Variants in DYNC2H1 observed in about 807,000 individuals in gnomAD.
The protein encoded by DYNC2H1 is cytoplasmic dynein 2 heavy chain 1.
In DYNC2H1, 410 loss-of-function variants were observed where a neutral mutation model predicts 570.0. That is an observed-to-expected ratio of 0.72 (90% confidence interval 0.66 to 0.78). The LOEUF is 0.78. Among genes scored for constraint, DYNC2H1 ranks in the 30% least tolerant of loss-of-function variants. DYNC2H1 has a pLI of 0.00. For synonymous variants in DYNC2H1, 1,688 were observed against 1,677.6 expected, an observed-to-expected ratio of 1.01 and a Z score of -0.15; for missense variants, 4,865 against 5,046.4, an observed-to-expected ratio of 0.96 and a Z score of 1.09.
chr11:103,441,924 G>A (rs767538470), intron 85 of DYNC2H1, among the ~76,000 whole-genome samples: 2 of 152,112 alleles, frequency 1.3e-5, no homozygotes, highest in African/African-American at 2.4e-5. Context: ...CTGGAAGAGT[G>A]TATTATTTTC....
chr11:103,300,667 T>A (rs1427332520), intron 75 of DYNC2H1, among the ~76,000 whole-genome samples: 1 of 152,000 alleles, frequency 6.6e-6, no homozygotes, highest in Non-Finnish European at 1.5e-5. Flanking sequence ...TTGTGTAAAA[T>A]GAATTAATGG....
intron 83 of DYNC2H1, among the ~76,000 whole-genome samples, chr11:103,381,316 G>A (rs1941636052): frequency 6.6e-6 from 1 of 152,124 alleles, no homozygotes; most frequent in African/African-American, 2.4e-5. Context: ...GAAACATGTG[G>A]ACTTTTCATA....
In DYNC2H1 at chr11:103,231,355, T is replaced by A. The variant is rs774495598; in HGVS notation, c.9440+9T>A. 8 of 1,558,472 alleles carry A rather than the reference T, an allele frequency of 5.1e-6. No individual in the cohort carries two copies. The South Asian group carries it at 9.3e-5, about 18-fold the overall frequency. Reference sequence around the variant, plus strand: ...TCAGAACTCAAAGAAAAGTAAGTTATATTTTGAAGTGTATTTTGGATAATG... The same window carrying A: ...TCAGAACTCAAAGAAAAGTAAGTTAAATTTTGAAGTGTATTTTGGATAATG... On this transcript the variant is annotated intron_variant, in intron 60 of 88. Transcript: ENST00000375735.
At position 103,260,045 on chromosome 11, in the gene DYNC2H1, T is replaced by G. The variant is rs141545476; in HGVS notation, c.10695+68T>G. The G allele has an allele frequency of 3.0e-4, 287 of 942,014 alleles. 2 individuals are homozygous for G. The African/African-American group carries it at 4.3e-3, about 14-fold the overall frequency. 58.4% of individuals were successfully genotyped at this position (942,014 alleles called of 1,614,324 possible). Reference sequence around the variant, plus strand: ...CTGTGATTTAACGTAATATTTATAGTTATAGTATAACTCTTTCCCTACTGG... The same window carrying G: ...CTGTGATTTAACGTAATATTTATAGGTATAGTATAACTCTTTCCCTACTGG... On this transcript the variant is annotated intron_variant, in intron 70 of 88. Coordinates refer to ENST00000375735, the MANE Select transcript of DYNC2H1 (RefSeq NM_001377.3).
intron 83 of DYNC2H1, among the ~76,000 whole-genome samples, chr11:103,386,899 G>A (rs202015220): frequency 4.3e-3 from 306 of 71,660 alleles, no homozygotes; most frequent in Middle Eastern, 8.3e-3. Flanking sequence ...CCAGTCTATC[G>A]TTGTTGGACA....
At chr11:103,207,034 G>A (rs943332713) in intron 52 of DYNC2H1, among the ~76,000 whole-genome samples, 1 of 151,928 alleles carries the variant, frequency 6.6e-6, no homozygotes, top group Non-Finnish European at 1.5e-5. Flanking sequence ...CGATTCTTCT[G>A]CCTCAGCCTC....
At chr11:103,251,186 ATTT>A (rs1284718426) in intron 65 of DYNC2H1, among the ~76,000 whole-genome samples, 1 of 152,028 alleles carries the variant, frequency 6.6e-6, no homozygotes, top group Non-Finnish European at 1.5e-5. Context: ...TGTTTTAAAT[ATTT>A]TGAAAGCTAT....
intron 75 of DYNC2H1, among the ~76,000 whole-genome samples, chr11:103,287,966 G>A (rs1866417015): frequency 6.6e-6 from 1 of 152,162 alleles, no homozygotes. Context: ...ATTTAAAGAT[G>A]ATTTGGTGGG....
At chr11:103,135,410 TG>T in intron 15 of DYNC2H1, 84 bp from the exon 16 acceptor site, 1 of 1,227,456 alleles carries the variant, frequency 8.1e-7, no homozygotes, top group Non-Finnish European at 1.1e-6. Flanking sequence ...ATTATAATTG[TG>T]CATTATGTGA....
chr11:103,456,076 C>T (rs1944775341), intron 86 of DYNC2H1, among the ~76,000 whole-genome samples, 199 bp from the exon 87 acceptor site: 1 of 152,122 alleles, frequency 6.6e-6, no homozygotes, highest in Non-Finnish European at 1.5e-5. Context: ...AAGGAACTTA[C>T]AGCATCAAAG....
At chr11:103,410,619 A>G (rs1459953716) in intron 84 of DYNC2H1, among the ~76,000 whole-genome samples, 1 of 152,140 alleles carries the variant, frequency 6.6e-6, no homozygotes, top group Non-Finnish European at 1.5e-5. Context: ...AGGGCTAAGC[A>G]TAGTGGGGTA....
chr11:103,306,176 G>A (rs1867276789), intron 77 of DYNC2H1, among the ~76,000 whole-genome samples: 1 of 152,184 alleles, frequency 6.6e-6, no homozygotes. Context: ...GCTTCCCAAA[G>A]TGCTGGGATT....
At chr11:103,393,529 T>G (rs1421577978) in intron 83 of DYNC2H1, among the ~76,000 whole-genome samples, 1 of 152,194 alleles carries the variant, frequency 6.6e-6, no homozygotes, top group Admixed American at 6.5e-5. Flanking sequence ...GCCTTGAAAG[T>G]TTCATAGTTT....
intron 83 of DYNC2H1, among the ~76,000 whole-genome samples, chr11:103,389,671 T>A (rs1193768419): frequency 6.6e-6 from 1 of 151,900 alleles, no homozygotes; most frequent in Non-Finnish European, 1.5e-5. Flanking sequence ...GCTTTGAATG[T>A]GTCCCAGAGA....
At chr11:103,210,091 C>T in intron 53 of DYNC2H1, 131 bp downstream of exon 53, 1 of 1,109,610 alleles carries the variant, frequency 9.0e-7, no homozygotes, top group Non-Finnish European at 1.2e-6. Context: ...AATTAGATTT[C>T]TTCTGATGCA....
intron 29 of DYNC2H1, 33 bp from the exon 30 acceptor site, chr11:103,162,995 C>T (rs920995073): frequency 1.9e-6 from 3 of 1,570,934 alleles, no homozygotes; most frequent in East Asian, 2.3e-5. Context: ...TATTTTATGT[C>T]TTGTTTATAT....
At chr11:103,272,971 T>C (rs555616568) in intron 70 of DYNC2H1, among the ~76,000 whole-genome samples, 1 of 152,238 alleles carries the variant, frequency 6.6e-6, no homozygotes, top group South Asian at 2.1e-4. Context: ...TAAATTGTCA[T>C]TGAATTAAAG....
At chr11:103,188,732 CTTTAAAA>C (rs1862178736) in intron 44 of DYNC2H1, 84 bp downstream of exon 44, 2 of 1,108,420 alleles carry the variant, frequency 1.8e-6, no homozygotes, top group African/African-American at 3.2e-5. Context: ...TATGATAATA[CTTTAAAA>C]TTTAGAATAT....
chr11:103,240,027 A>T (rs1174527948), intron 63 of DYNC2H1, among the ~76,000 whole-genome samples: 1 of 152,004 alleles, frequency 6.6e-6, no homozygotes, highest in African/African-American at 2.4e-5. Context: ...TAAATTCACC[A>T]TTTTTTAAGT....
Sources: allele counts gnomAD v4.1 joint callset (sites outside exome capture counted in the v4.1 genomes callset), GRCh38; gene constraint gnomAD v4.1.1; transcripts MANE v1.5; gene names NCBI Gene and HGNC (gene_info 2026-07-23, HGNC 2026-07-21).